ANKS1B: variants seen among roughly 807,000 people sequenced by gnomAD.
ANKS1B encodes ankyrin repeat and sterile alpha motif domain containing 1B, also known as ankyrin repeat and sterile alpha motif domain-containing protein 1B.
Under a neutral mutation model 148.3 loss-of-function variants are expected in ANKS1B, and 36 were observed. The ratio of observed to expected loss-of-function variants is 0.24; its 90% CI spans 0.19 to 0.32. The LOEUF is 0.32. Ranked by LOEUF, ANKS1B falls within the 10% of genes least tolerant of loss-of-function variation. The pLI, the probability that ANKS1B is intolerant of heterozygous loss-of-function variation, is 1.00. For missense variants in ANKS1B, 1,157 were observed against 1,542.6 expected, an observed-to-expected ratio of 0.75 and a Z score of 4.19; for synonymous variants, 542 against 560.8, an observed-to-expected ratio of 0.97 and a Z score of 0.47.
intron 9 of ANKS1B, among the ~76,000 whole-genome samples, chr12:99,633,515 C>A (rs559787766): frequency 6.6e-6 from 1 of 152,262 alleles, no homozygotes; most frequent in South Asian, 2.1e-4. Context: ...AAATGTTAGA[C>A]CTAAAACCAT....
intron 12 of ANKS1B, among the ~76,000 whole-genome samples, chr12:99,396,767 G>A (rs7960751): frequency 0.08 from 12,091 of 152,050 alleles, 1,431 homozygotes; most frequent in African/African-American, 0.26. Context: ...AAGGGGAAAA[G>A]GTAATATTCC....
intron 25 of ANKS1B, among the ~76,000 whole-genome samples, chr12:98,762,289 C>T (rs1002999636): frequency 2.6e-5 from 4 of 152,122 alleles, no homozygotes; most frequent in Admixed American, 6.5e-5. Flanking sequence ...CCTATTGGTC[C>T]CTTTCCACCC....
At chr12:98,755,743 C>G (rs1333514999) in intron 25 of ANKS1B, among the ~76,000 whole-genome samples, 3 of 152,120 alleles carry the variant, frequency 2.0e-5, no homozygotes, top group African/African-American at 7.2e-5. Flanking sequence ...ATCACAGAGA[C>G]AGAAAGTTAC....
At chr12:99,549,544 C>A (rs931752283) in intron 9 of ANKS1B, among the ~76,000 whole-genome samples, 3 of 152,162 alleles carry the variant, frequency 2.0e-5, no homozygotes, top group African/African-American at 7.2e-5. Context: ...TTCATAATTT[C>A]TGTTATTCAA....
intron 12 of ANKS1B, among the ~76,000 whole-genome samples, chr12:99,366,846 T>TA (rs1402529796): frequency 1.3e-5 from 2 of 151,290 alleles, no homozygotes; most frequent in East Asian, 2.0e-4. Flanking sequence ...TTCAACTACT[T>TA]AAAAAAAAGA....
chr12:98,948,311 A>G (rs2099848552), intron 17 of ANKS1B, among the ~76,000 whole-genome samples: 1 of 152,216 alleles, frequency 6.6e-6, no homozygotes, highest in Non-Finnish European at 1.5e-5. Context: ...AAACAGCTGC[A>G]GCAACCCTTG....
At chr12:99,107,633 G>A (rs147032638) in intron 15 of ANKS1B, among the ~76,000 whole-genome samples, 10 of 152,282 alleles carry the variant, frequency 6.6e-5, no homozygotes, top group African/African-American at 2.4e-4. Context: ...AAAAAGATTA[G>A]CCTTGCATCA....
At chr12:99,777,615 C>T (rs969908805) in intron 6 of ANKS1B, among the ~76,000 whole-genome samples, 80 of 152,062 alleles carry the variant, frequency 5.3e-4, no homozygotes, top group Non-Finnish European at 2.8e-4. Flanking sequence ...GACGGAGTCT[C>T]GCTCTGTTGC....
intron 1 of ANKS1B, among the ~76,000 whole-genome samples, chr12:99,951,079 C>T (rs984640554): frequency 6.6e-6 from 1 of 152,206 alleles, no homozygotes. Context: ...CTGTCCTCTA[C>T]CAGCCAGTGT....
At chr12:99,765,322 T>A (rs1271114051) in intron 8 of ANKS1B, among the ~76,000 whole-genome samples, 1 of 152,186 alleles carries the variant, frequency 6.6e-6, no homozygotes, top group Non-Finnish European at 1.5e-5. Flanking sequence ...ACAATTATTT[T>A]GAGATATTAT....
chr12:98,832,157 G>A, intron 17 of ANKS1B, 21 bp from the exon 18 acceptor site: 1 of 1,514,564 alleles, frequency 6.6e-7, no homozygotes, highest in Admixed American at 2.1e-5. Context: ...ATATATTTGG[G>A]TTAAATATTT....
At chr12:99,278,485 C>A (rs1319221888) in intron 12 of ANKS1B, among the ~76,000 whole-genome samples, 1 of 152,140 alleles carries the variant, frequency 6.6e-6, no homozygotes, top group African/African-American at 2.4e-5. Context: ...TGGACAGAGA[C>A]ATAGGAAAAA....
intron 3 of ANKS1B, among the ~76,000 whole-genome samples, chr12:99,809,395 A>G (rs549404112): frequency 6.6e-6 from 1 of 151,942 alleles, no homozygotes; most frequent in South Asian, 2.1e-4. Context: ...AAAAAAAAAG[A>G]GGAAGAGAAG....
chr12:99,773,189 T>C, intron 7 of ANKS1B, 101 bp from the exon 8 acceptor site: 1 of 932,618 alleles, frequency 1.1e-6, no homozygotes, highest in Non-Finnish European at 1.6e-6. Flanking sequence ...ACTCAAAATA[T>C]AACAAGATTA....
chr12:98,932,734 T>A (rs143393651), intron 17 of ANKS1B, among the ~76,000 whole-genome samples: 9 of 152,292 alleles, frequency 5.9e-5, no homozygotes, highest in African/African-American at 2.2e-4. Flanking sequence ...GTCTACATGG[T>A]CAAATAAATT....
chr12:99,627,476 G>A (rs1357579921), intron 9 of ANKS1B, among the ~76,000 whole-genome samples: 2 of 152,144 alleles, frequency 1.3e-5, no homozygotes, highest in African/African-American at 2.4e-5. Context: ...GGAAATGGAG[G>A]GCGATTCAGA....
Position 99,849,432 on chromosome 12 carries a change from C to A in ANKS1B, c.135-24043G>T, listed in dbSNP as rs116962940. Among the ~76,000 whole-genome samples, 676 of 152,098 alleles carry A rather than the reference C, an allele frequency of 4.4e-3. 1 individual carries two copies. The highest frequency in any genetic ancestry group is 9.1e-3 in the Admixed American group (139 of 15,272). ...GTTGCTGGGGATATGAATTCTCATA[C>A]CCTGCTAGTAAAATATAAATTGGTG... On this transcript the variant is annotated intron_variant, in intron 1 of 26. Transcript: ENST00000683438.
At chr12:99,713,895 A>G (rs564261242) in intron 8 of ANKS1B, among the ~76,000 whole-genome samples, 6 of 152,274 alleles carry the variant, frequency 3.9e-5, no homozygotes, top group African/African-American at 1.4e-4. Flanking sequence ...TTAGCGCATA[A>G]CCTCACTTCC....
intron 5 of ANKS1B, among the ~76,000 whole-genome samples, chr12:99,780,257 A>ATTGTTT (rs1167204674): frequency 1.3e-5 from 2 of 151,952 alleles, no homozygotes; most frequent in Non-Finnish European, 2.9e-5. Flanking sequence ...AATGTTTAAG[A>ATTGTTT]TTGTTTTTCA....
Sources: allele counts gnomAD v4.1 joint callset (sites outside exome capture counted in the v4.1 genomes callset), GRCh38; gene constraint gnomAD v4.1.1; transcripts MANE v1.5; gene names NCBI Gene and HGNC (gene_info 2026-07-23, HGNC 2026-07-21).